SRRM4: variants seen among roughly 807,000 people sequenced by gnomAD.
The protein encoded by SRRM4 is serine/arginine repetitive matrix 4.
SRRM4 carries 33 observed loss-of-function variants against 68.9 expected under a neutral mutation model. The observed-to-expected ratio is 0.48, with a 90% CI of 0.36 to 0.64. The LOEUF (loss-of-function observed/expected upper bound fraction) is 0.64, where lower values mean the gene tolerates loss of function less well. SRRM4 is among the 30% of genes least tolerant of loss of function. The pLI, the probability that SRRM4 is intolerant of heterozygous loss-of-function variation, is 0.00. For synonymous variants in SRRM4, 318 were observed against 318.8 expected (o/e 1.00, Z 0.03); for missense variants, 817 against 827.1 (o/e 0.99, Z 0.15).
chr12:119,105,998 G>T (rs558303003), intron 2 of SRRM4, among the ~76,000 whole-genome samples: 39 of 152,262 alleles, frequency 2.6e-4, no homozygotes, highest in African/African-American at 9.1e-4. Flanking sequence ...AAGGTGTAAG[G>T]AAGGGATCCA....
chr12:119,127,020 G>A (rs931374389), intron 7 of SRRM4, among the ~76,000 whole-genome samples: 22 of 145,802 alleles, frequency 1.5e-4, no homozygotes, highest in Admixed American at 9.0e-4. Context: ...GAGAACACAT[G>A]GACACAGGAA....
At chr12:119,073,806 A>G (rs557052796) in intron 1 of SRRM4, among the ~76,000 whole-genome samples, 2 of 151,854 alleles carry the variant, frequency 1.3e-5, no homozygotes, top group African/African-American at 2.4e-5. Flanking sequence ...TTTTTAATAG[A>G]TAAATAGACA....
At chr12:119,033,555 T>G (rs1953606710) in intron 1 of SRRM4, among the ~76,000 whole-genome samples, 1 of 151,626 alleles carries the variant, frequency 6.6e-6, no homozygotes, top group Non-Finnish European at 1.5e-5. Flanking sequence ...TCCCAGCTAC[T>G]CCGGAGGCTG....
intron 1 of SRRM4, among the ~76,000 whole-genome samples, chr12:119,073,990 T>C (rs1478185445): frequency 2.0e-5 from 3 of 152,140 alleles, no homozygotes; most frequent in Admixed American, 6.5e-5. Flanking sequence ...AGGGTTTCCA[T>C]TGACTTAAAT....
In SRRM4 at chr12:118,982,682, T is replaced by TG. The variant is rs1555212618; in HGVS notation, c.131+669_131+670insG. 7.8e-4 allele frequency among the ~76,000 whole-genome samples: 105 copies of TG among 134,250 alleles called. 1 individual carries two copies. Among genetic ancestry groups the TG allele is most frequent in the Middle Eastern group, 7.6e-3 (2 of 262 alleles). 88.1% of individuals were successfully genotyped at this position (134,250 alleles called of 152,430 possible). On this transcript the variant is annotated intron_variant, in intron 1 of 12. Coordinates refer to ENST00000267260, the MANE Select transcript of SRRM4 (RefSeq NM_194286.4). ...GAGTTTTATTTTGTTTTTTTTTGTTTTTTTTTTTTTTTTCCAAAAAGAATC... is the reference window on the plus strand; with the variant it reads ...GAGTTTTATTTTGTTTTTTTTTGTTTGTTTTTTTTTTTTTCCAAAAAGAATC...
At chr12:118,996,356 A>G (rs1237577968) in intron 1 of SRRM4, among the ~76,000 whole-genome samples, 1 of 152,236 alleles carries the variant, frequency 6.6e-6, no homozygotes, top group Non-Finnish European at 1.5e-5. Flanking sequence ...AAAGGATCAC[A>G]ACAAATGCTA....
intron 1 of SRRM4, among the ~76,000 whole-genome samples, chr12:119,020,105 T>C (rs1441600361): frequency 6.6e-6 from 1 of 152,048 alleles, no homozygotes; most frequent in Admixed American, 6.6e-5. Context: ...CTCACTTTCC[T>C]TCTCAACAGG....
intron 1 of SRRM4, among the ~76,000 whole-genome samples, chr12:119,060,719 T>A (rs1953806726): frequency 6.6e-6 from 1 of 151,928 alleles, no homozygotes; most frequent in African/African-American, 2.4e-5. Context: ...CCTGGAGAAT[T>A]TCTCTCATAT....
intron 1 of SRRM4, among the ~76,000 whole-genome samples, chr12:119,005,453 A>C (rs1953410246): frequency 6.6e-6 from 1 of 152,214 alleles, no homozygotes; most frequent in South Asian, 2.1e-4. Context: ...ATCTCGGAAG[A>C]GACCTGGACA....
Position 119,156,612 on chromosome 12 carries a change from CCGGAGCCGGAGT to C in SRRM4, c.1662_1673del (p.Ser556_Arg559del), listed in dbSNP as rs761770242. The C allele has an allele frequency of 1.3e-5, 21 of 1,609,622 alleles. No individual in the cohort carries two copies. Among genetic ancestry groups the C allele is most frequent in the Admixed American group, 3.3e-5 (2 of 59,844 alleles). ...GCCGCTCGGCCAGCCGCAGCTACTC[CCGGAGCCGGAGT>C]CGGAGCCGGAGCCGGAGACGGAGCC... On this transcript the variant is annotated inframe_deletion, in exon 13 of 13. Transcript: ENST00000267260.
chr12:119,130,155 G>A (rs1954286556), intron 7 of SRRM4, among the ~76,000 whole-genome samples: 3 of 151,886 alleles, frequency 2.0e-5, no homozygotes, highest in Admixed American at 2.0e-4. Flanking sequence ...ATGGATGGAT[G>A]GATAGATGAA....
At chr12:118,993,088 T>C (rs763109672) in intron 1 of SRRM4, among the ~76,000 whole-genome samples, 5 of 152,216 alleles carry the variant, frequency 3.3e-5, no homozygotes, top group African/African-American at 4.8e-5. Flanking sequence ...TAAGTACCAG[T>C]GTTATATCCA....
rs537663918 is a variant in SRRM4 at position 119,109,028 on chromosome 12, G to A, written c.279-5250G>A. Among the ~76,000 whole-genome samples the A allele has an allele frequency of 4.6e-5, 7 of 152,186 alleles. 1 individual carries two copies. In the East Asian group the frequency reaches 1.4e-3, roughly 29 times the overall value. On this transcript the variant is annotated intron_variant, in intron 2 of 12. Coordinates refer to ENST00000267260, the MANE Select transcript of SRRM4 (RefSeq NM_194286.4). Reference sequence around the variant, plus strand: ...GTAAGGCAGGCCTGGTGGTGACAAAGTCTCTCAGCATTTGCTTGTCTGTAA... The same window carrying A: ...GTAAGGCAGGCCTGGTGGTGACAAAATCTCTCAGCATTTGCTTGTCTGTAA...
Position 118,981,656 on chromosome 12 carries a change from G to C in SRRM4, c.-227G>C, listed in dbSNP as rs1006856857. On this transcript the variant is annotated 5_prime_UTR_variant, in exon 1 of 13. Transcript: ENST00000267260. ...CTCAGCCAGCTCAGAGCGCAGCCTGGAGCCGACCCAGAAGGGCGAAGAAAG... is the reference window on the plus strand; with the variant it reads ...CTCAGCCAGCTCAGAGCGCAGCCTGCAGCCGACCCAGAAGGGCGAAGAAAG... 1 of 539,298 alleles carries C rather than the reference G, an allele frequency of 1.9e-6. No homozygotes were observed. The highest frequency in any genetic ancestry group is 3.2e-5 in the East Asian group (1 of 31,142). The allele number at this position is 539,298 out of a possible 1,614,324, so 33.4% of individuals were successfully genotyped here.
At position 119,160,562 on chromosome 12, in the gene SRRM4, G is replaced by A. The variant is rs75333187; in HGVS notation, c.*3764G>A. The stretch of plus-strand genomic sequence containing the variant: ...CCAAAATGGGAGGGAGATGTGGCTT[G>A]AGGTCAAGCGCCATGCATCCCAAGC... On this transcript the variant is annotated 3_prime_UTR_variant, in exon 13 of 13. Coordinates refer to ENST00000267260, the MANE Select transcript of SRRM4 (RefSeq NM_194286.4). 2 of 152,182 alleles carry A rather than the reference G, an allele frequency of 1.3e-5. No individual in the cohort carries two copies. The highest frequency in any genetic ancestry group is 4.1e-4 in the South Asian group (2 of 4,828). 9.4% of individuals were successfully genotyped at this position (152,182 alleles called of 1,614,324 possible).
intron 9 of SRRM4, among the ~76,000 whole-genome samples, chr12:119,147,460 C>T (rs1954411190): frequency 6.6e-6 from 1 of 152,126 alleles, no homozygotes; most frequent in Non-Finnish European, 1.5e-5. Context: ...AAACTATAGA[C>T]TCTGGGTGAT....
At position 119,157,435 on chromosome 12, in the gene SRRM4, G is replaced by T. The variant is rs976289109; in HGVS notation, c.*637G>T. On this transcript the variant is annotated 3_prime_UTR_variant, in exon 13 of 13. Transcript: ENST00000267260. This position sits in a 1 kb window ranked among gnomAD's most constrained non-coding sequence, Gnocchi z 4.1. ...GGGAGGTGTCAGGAGATAGGAGTTG[G>T]TTAAGATGATAGATAGAAAAACGGA... 2 of 152,950 alleles carry T rather than the reference G, an allele frequency of 1.3e-5. No homozygotes were observed. Among genetic ancestry groups the T allele is most frequent in the African/African-American group, 4.8e-5 (2 of 41,566 alleles). 9.5% of individuals were successfully genotyped at this position (152,950 alleles called of 1,614,324 possible).
chr12:119,075,761 G>T (rs1262621309), intron 1 of SRRM4, among the ~76,000 whole-genome samples: 2 of 130,386 alleles, frequency 1.5e-5, no homozygotes, highest in African/African-American at 2.9e-5. Flanking sequence ...AATGATGATG[G>T]TGATGATGGT....
intron 1 of SRRM4, among the ~76,000 whole-genome samples, chr12:118,990,476 G>C (rs562150121): frequency 1.3e-5 from 2 of 152,140 alleles, no homozygotes; most frequent in East Asian, 3.9e-4. Context: ...ATGATCACAC[G>C]GTGTGTAAGT....
Sources: gnomAD v4.1 joint callset for allele counts (sites outside exome capture counted in the v4.1 genomes callset) on GRCh38, gnomAD v4.1.1 for gene constraint, Gnocchi (gnomAD v3.1) non-coding constraint, MANE v1.5 for transcripts, NCBI Gene and HGNC (gene_info 2026-07-23, HGNC 2026-07-21) for gene names.